The following WLS variants were observed in gnomAD, a reference collection of about 807,000 sequenced individuals.
The protein encoded by WLS is protein wntless homolog.
In WLS, 23 loss-of-function variants were observed where a neutral mutation model predicts 62.8. That is an observed-to-expected ratio of 0.37 (90% confidence interval 0.26 to 0.52). The LOEUF is 0.52. Ranked by LOEUF, WLS falls within the 20% of genes least tolerant of loss-of-function variation. The pLI is 0.92. For synonymous variants in WLS, 246 were observed against 244.1 expected (o/e 1.01, Z -0.07); for missense variants, 615 against 697.3 (o/e 0.88, Z 1.33).
chr1:68,190,031 GTACT>G (rs1648201990), intron 2 of WLS, among the ~76,000 whole-genome samples: 1 of 151,594 alleles, frequency 6.6e-6, no homozygotes, highest in Admixed American at 6.6e-5. Flanking sequence ...TAAAAAATAA[GTACT>G]TACTATGTCC....
At chr1:68,159,324 G>A in intron 2 of WLS, 77 bp from the exon 3 acceptor site, 1 of 1,545,676 alleles carries the variant, frequency 6.5e-7, no homozygotes, top group Non-Finnish European at 8.7e-7. Flanking sequence ...AATTCTTATA[G>A]GCTTTGACTT....
At chr1:68,220,237 C>G (rs1439535552) in intron 1 of WLS, among the ~76,000 whole-genome samples, 1 of 152,176 alleles carries the variant, frequency 6.6e-6, no homozygotes, top group Non-Finnish European at 1.5e-5. Flanking sequence ...GGCTGGGTTT[C>G]TAATTTTATC....
At chr1:68,153,824 C>CAG (rs1646860121) in intron 4 of WLS, among the ~76,000 whole-genome samples, 171 bp from the exon 5 acceptor site, 1 of 152,164 alleles carries the variant, frequency 6.6e-6, no homozygotes, top group Non-Finnish European at 1.5e-5. Context: ...GGACTCTCCT[C>CAG]AGAGATAATA....
chr1:68,209,058 T>C (rs759148777), intron 1 of WLS, among the ~76,000 whole-genome samples: 21 of 152,198 alleles, frequency 1.4e-4, no homozygotes, highest in Non-Finnish European at 2.6e-4. Context: ...GGGTTTGGCT[T>C]GTGCACTGGA....
chr1:68,184,826 T>G lies in WLS; in HGVS notation c.379+9129A>C, dbSNP rs145973472. ...GGTCAATGACTCCTGTTCCCAAGTA[T>G]CTATGAGTCTCTAGATTTTCTTAAT... On this transcript the variant is annotated intron_variant, in intron 2 of 11. Coordinates refer to ENST00000262348, the MANE Select transcript of WLS (RefSeq NM_024911.7). 3.3e-5 allele frequency among the ~76,000 whole-genome samples: 5 copies of G among 152,314 alleles called. 1 individual carries two copies. Among genetic ancestry groups the G allele is most frequent in the African/African-American group, 1.2e-4 (5 of 41,572 alleles).
chr1:68,150,112 A>AAGGGGGGCAGGTGTC, intron 6 of WLS, 76 bp downstream of exon 6: 1 of 1,500,882 alleles, frequency 6.7e-7, no homozygotes, highest in Non-Finnish European at 9.1e-7. Flanking sequence ...ACTAGAGGCA[A>AAGGGGGGCAGGTGTC]AGGGGGGCAG....
At chr1:68,227,034 T>C (rs2100671077) in intron 1 of WLS, among the ~76,000 whole-genome samples, 1 of 152,300 alleles carries the variant, frequency 6.6e-6, no homozygotes, top group East Asian at 1.9e-4. Context: ...GAAATGTTTC[T>C]CACTGTAACA....
chr1:68,229,596 C>G (rs1650319742), intron 1 of WLS, among the ~76,000 whole-genome samples: 1 of 152,142 alleles, frequency 6.6e-6, no homozygotes, highest in Non-Finnish European at 1.5e-5. Flanking sequence ...TGTTGCTATT[C>G]TTTCCTTAGT....
At chr1:68,178,842 C>T (rs984282192) in intron 2 of WLS, among the ~76,000 whole-genome samples, 19 of 152,184 alleles carry the variant, frequency 1.2e-4, no homozygotes, top group African/African-American at 4.1e-4. Flanking sequence ...TAGTACAAGT[C>T]CCAATAATGC....
intron 1 of WLS, among the ~76,000 whole-genome samples, chr1:68,227,212 G>A (rs952088407): frequency 2.0e-5 from 3 of 152,012 alleles, no homozygotes; most frequent in African/African-American, 4.8e-5. Flanking sequence ...CGGCCAACCC[G>A]GTGAAACCCC....
At chr1:68,144,847 C>T (rs1233755549) in intron 9 of WLS, among the ~76,000 whole-genome samples, 195 bp from the exon 10 acceptor site, 1 of 152,156 alleles carries the variant, frequency 6.6e-6, no homozygotes, top group Non-Finnish European at 1.5e-5. Flanking sequence ...CCAAGTATTT[C>T]CTATGTTCTT....
At chr1:68,153,252 C>T (rs1646851002) in intron 5 of WLS, among the ~76,000 whole-genome samples, 2 of 152,070 alleles carry the variant, frequency 1.3e-5, no homozygotes, top group South Asian at 4.1e-4. Flanking sequence ...CCAGCCTGGA[C>T]AACAGAGTGA....
intron 1 of WLS, among the ~76,000 whole-genome samples, chr1:68,228,505 A>G (rs1213819782): frequency 6.6e-6 from 1 of 152,162 alleles, no homozygotes; most frequent in African/African-American, 2.4e-5. Context: ...CCTTTTCAGG[A>G]GCTAAATTCA....
At chr1:68,124,801 G>A (rs929947690), downstream of WLS, among the ~76,000 whole-genome samples, 4 of 152,146 alleles carry the variant, frequency 2.6e-5, no homozygotes, top group African/African-American at 9.7e-5. Flanking sequence ...TGAATTACAT[G>A]GACTGTGCCC....
intron 11 of WLS, among the ~76,000 whole-genome samples, chr1:68,101,747 T>C (rs182997821): frequency 2.0e-5 from 3 of 152,254 alleles, no homozygotes; most frequent in Non-Finnish European, 2.9e-5. Context: ...CTCCCAATGG[T>C]GAAAGTTCAG....
chr1:68,100,759 C>G (rs963950880), intron 11 of WLS: 3 of 152,036 alleles, frequency 2.0e-5, no homozygotes, highest in African/African-American at 7.2e-5. Flanking sequence ...ATAAACAGGA[C>G]CCAAGGTCAT....
chr1:68,104,693 T>C (rs972804392), intron 11 of WLS, among the ~76,000 whole-genome samples: 1 of 152,184 alleles, frequency 6.6e-6, no homozygotes, highest in African/African-American at 2.4e-5. Flanking sequence ...AAGGATCTCT[T>C]GAGCCCAGGA....
At chr1:68,211,515 T>A (rs1000608108) in intron 1 of WLS, among the ~76,000 whole-genome samples, 1 of 152,176 alleles carries the variant, frequency 6.6e-6, no homozygotes, top group African/African-American at 2.4e-5. Flanking sequence ...ACCCATTAAG[T>A]GGGCACCAAA....
At chr1:68,200,585 A>G (rs1648958672) in intron 1 of WLS, among the ~76,000 whole-genome samples, 1 of 142,304 alleles carries the variant, frequency 7.0e-6, no homozygotes. Flanking sequence ...TTTTTTTTCC[A>G]GCTATTGCTT....
Sources: gnomAD v4.1 joint callset for allele counts (sites outside exome capture counted in the v4.1 genomes callset) on GRCh38, gnomAD v4.1.1 for gene constraint, MANE v1.5 for transcripts, NCBI Gene and HGNC (gene_info 2026-07-23, HGNC 2026-07-21) for gene names.